ERICH2: variants seen among roughly 807,000 people sequenced by gnomAD.
The protein encoded by ERICH2 is glutamate-rich protein 2.
ERICH2 carries 17 observed loss-of-function variants against 17.4 expected under a neutral mutation model. The observed-to-expected ratio is 0.98, with a 90% CI of 0.67 to 1.47. The LOEUF (loss-of-function observed/expected upper bound fraction) is 1.47, where lower values mean the gene tolerates loss of function less well. Among genes scored for constraint, ERICH2 ranks in the 40% most tolerant of loss-of-function variants. The probability of loss-of-function intolerance (pLI) is 0.00; values close to 1 mark genes in which losing one functional copy is unlikely to be tolerated. For missense variants in ERICH2, 186 were observed against 183.2 expected, an observed-to-expected ratio of 1.01 and a Z score of -0.09; for synonymous variants, 51 against 61.1, an observed-to-expected ratio of 0.83 and a Z score of 0.77.
chr2:170,797,137 G>A (rs978100555), intron 3 of ERICH2, among the ~76,000 whole-genome samples: 2 of 152,178 alleles, frequency 1.3e-5, no homozygotes, highest in African/African-American at 4.8e-5. Context: ...AATGACCAAC[G>A]TGTAGACTAC....
intron 3 of ERICH2, 47 bp from the exon 9 acceptor site, chr2:170,797,994 C>A: frequency 7.5e-7 from 1 of 1,327,398 alleles, no homozygotes; most frequent in Non-Finnish European, 1.1e-6. Flanking sequence ...TTTGCTGCAA[C>A]ACTGAACGTT....
At chr2:170,796,358 T>C (rs1701415022) in intron 3 of ERICH2, among the ~76,000 whole-genome samples, 1 of 151,876 alleles carries the variant, frequency 6.6e-6, no homozygotes, top group Non-Finnish European at 1.5e-5. Flanking sequence ...ATGAAAGCCA[T>C]GGGTGGGATC....
the ERICH2 span, chr2:170,777,319 T>C: frequency 1.5e-6 from 1 of 663,310 alleles, no homozygotes; most frequent in Non-Finnish European, 1.9e-6. Flanking sequence ...TAGTAAATTA[T>C]TTCAAATATC....
the ERICH2 span, chr2:170,777,591 T>C: frequency 8.7e-7 from 1 of 1,144,520 alleles, no homozygotes; most frequent in Admixed American, 4.2e-5. Flanking sequence ...TAGAAGTGTA[T>C]GTCAGGGACA....
intron 2 of ERICH2, among the ~76,000 whole-genome samples, chr2:170,787,484 T>G (rs1701184471): frequency 6.6e-6 from 1 of 152,238 alleles, no homozygotes; most frequent in African/African-American, 2.4e-5. Context: ...TAGGAGGACC[T>G]TCCACTCTGG....
intron 2 of ERICH2, among the ~76,000 whole-genome samples, chr2:170,786,968 G>A (rs1233108915): frequency 1.3e-5 from 2 of 152,048 alleles, no homozygotes; most frequent in Non-Finnish European, 2.9e-5. Flanking sequence ...TTCTAGGTCA[G>A]TTTCTACTGA....
chr2:170,782,102 A>G (rs1701043092), upstream of ERICH2: 1 of 151,758 alleles, frequency 6.6e-6, no homozygotes, highest in Non-Finnish European at 1.4e-5. Context: ...CTTTTCCACA[A>G]AGAAGATACT....
At chr2:170,777,761 C>T in the ERICH2 span, 5 of 962,914 alleles carry the variant, frequency 5.2e-6, no homozygotes, top group Non-Finnish European at 4.0e-6. Flanking sequence ...AGCCATTTGT[C>T]ACCCAATTAA....
intron 2 of ERICH2, among the ~76,000 whole-genome samples, chr2:170,785,340 C>T (rs1440924735): frequency 6.6e-6 from 1 of 152,098 alleles, no homozygotes; most frequent in Non-Finnish European, 1.5e-5. Context: ...TCTCTTACTA[C>T]TTTCACCAGG....
chr2:170,783,928 C>T (rs1701085623), intron 1 of ERICH2: 1 of 1,549,378 alleles, frequency 6.5e-7, no homozygotes, highest in Admixed American at 2.0e-5. Flanking sequence ...TATTCCTTTT[C>T]AGGGTAGCAT....
the ERICH2 span, among the ~76,000 whole-genome samples, chr2:170,773,208 A>G: frequency 1.3e-5 from 2 of 152,204 alleles, no homozygotes; most frequent in East Asian, 3.8e-4. Context: ...GCTTTGGGAA[A>G]GGGTGGTTAT....
intron 3 of ERICH2, among the ~76,000 whole-genome samples, chr2:170,795,206 A>G (rs895040934): frequency 6.6e-6 from 1 of 152,166 alleles, no homozygotes; most frequent in African/African-American, 2.4e-5. Context: ...TTGAACTGCT[A>G]GGCTCAAGTG....
upstream of ERICH2, among the ~76,000 whole-genome samples, chr2:170,779,017 A>G (rs987503661): frequency 6.6e-6 from 1 of 152,204 alleles, no homozygotes; most frequent in African/African-American, 2.4e-5. Context: ...CAAGGTCAAA[A>G]TGATCATTTC....
the ERICH2 span, chr2:170,771,090 G>C: frequency 6.5e-6 from 1 of 153,688 alleles, no homozygotes; most frequent in Non-Finnish European, 1.5e-5. The surrounding 1 kb of genome is among the most constrained non-coding windows in gnomAD (Gnocchi z 4.8). Flanking sequence ...GCGACGCTGC[G>C]TTCCCGACTC....
At chr2:170,784,483 T>C (rs898638932) in intron 1 of ERICH2, among the ~76,000 whole-genome samples, 163 bp from the exon 7 acceptor site, 6 of 152,180 alleles carry the variant, frequency 3.9e-5, no homozygotes, top group African/African-American at 1.2e-4. Flanking sequence ...TGTTGAGAGA[T>C]TTAAATGAGT....
chr2:170,794,149 G>A (rs1211518159), intron 3 of ERICH2, among the ~76,000 whole-genome samples: 3 of 109,956 alleles, frequency 2.7e-5, no homozygotes, highest in Admixed American at 1.4e-4. Context: ...CTCTGTCACC[G>A]AGGCTAGAGT....
At chr2:170,794,455 GT>G (rs1394579167) in intron 3 of ERICH2, among the ~76,000 whole-genome samples, 1 of 151,902 alleles carries the variant, frequency 6.6e-6, no homozygotes, top group Non-Finnish European at 1.5e-5. Flanking sequence ...CTATCTACCT[GT>G]TTTTGGTTTC....
At chr2:170,774,732 C>T in the ERICH2 span, among the ~76,000 whole-genome samples, 11 of 151,792 alleles carry the variant, frequency 7.2e-5, no homozygotes, top group East Asian at 1.9e-4. Flanking sequence ...CCACCACGCC[C>T]GACTAAATTT....
At chr2:170,783,753 C>T, upstream of ERICH2, 1 of 1,537,790 alleles carries the variant, frequency 6.5e-7, no homozygotes, top group Middle Eastern at 1.7e-4. Context: ...CCTAATTCCT[C>T]ATTATGACCT....
Sources: allele counts gnomAD v4.1 joint callset (sites outside exome capture counted in the v4.1 genomes callset), GRCh38; gene constraint gnomAD v4.1.1; non-coding constraint Gnocchi (gnomAD v3.1); transcripts MANE v1.5; gene names NCBI Gene and HGNC (gene_info 2026-07-23, HGNC 2026-07-21).